Variants in ST6GALNAC3 observed in about 807,000 individuals in gnomAD.
The protein encoded by ST6GALNAC3 is alpha-N-acetylgalactosaminide alpha-2,6-sialyltransferase 3.
Under a neutral mutation model 32.7 loss-of-function variants are expected in ST6GALNAC3, and 25 were observed. The observed-to-expected ratio is 0.76, with a 90% CI of 0.56 to 1.07. The LOEUF (loss-of-function observed/expected upper bound fraction) is 1.07. ST6GALNAC3 is among the 50% of genes least tolerant of loss of function. The pLI is 0.00. For synonymous variants in ST6GALNAC3, 129 were observed against 133.1 expected (o/e 0.97, Z 0.21); for missense variants, 355 against 382.4 (o/e 0.93, Z 0.60).
intron 2 of ST6GALNAC3, among the ~76,000 whole-genome samples, chr1:76,341,606 T>TTTCTTTCC (rs1647980461): frequency 8.5e-5 from 3 of 35,292 alleles, no homozygotes; most frequent in Non-Finnish European, 1.7e-4. Context: ...CCAAACTGCT[T>TTTCTTTCC]TTCTTTCTTT....
chr1:76,496,657 C>G (rs908564925), intron 3 of ST6GALNAC3, among the ~76,000 whole-genome samples: 13 of 152,042 alleles, frequency 8.6e-5, no homozygotes, highest in African/African-American at 1.4e-4. Context: ...AGAGAGGACA[C>G]CCATCTCAAA....
intron 1 of ST6GALNAC3, among the ~76,000 whole-genome samples, chr1:76,135,775 G>C (rs1289661992): frequency 6.6e-6 from 1 of 151,962 alleles, no homozygotes; most frequent in African/African-American, 2.4e-5. Flanking sequence ...ACATCAGGTA[G>C]AAAGGTGATT....
intron 3 of ST6GALNAC3, among the ~76,000 whole-genome samples, chr1:76,614,234 T>A (rs1245470493): frequency 6.6e-6 from 1 of 152,202 alleles, no homozygotes; most frequent in African/African-American, 2.4e-5. Context: ...TAAATTGGGA[T>A]ACATTTTCCT....
intron 1 of ST6GALNAC3, among the ~76,000 whole-genome samples, chr1:76,144,318 C>T (rs561870778): frequency 4.6e-5 from 7 of 152,312 alleles, no homozygotes; most frequent in African/African-American, 1.4e-4. Context: ...TCAAATACCA[C>T]ATAAGCAAGA....
At chr1:76,452,096 A>C (rs2101558521) in intron 3 of ST6GALNAC3, among the ~76,000 whole-genome samples, 1 of 152,270 alleles carries the variant, frequency 6.6e-6, no homozygotes, top group African/African-American at 2.4e-5. Flanking sequence ...CCCCACTCAG[A>C]TCTCATCTTG....
intron 3 of ST6GALNAC3, among the ~76,000 whole-genome samples, chr1:76,542,338 G>A (rs1664040603): frequency 6.6e-6 from 1 of 152,134 alleles, no homozygotes; most frequent in Non-Finnish European, 1.5e-5. Context: ...TACAAACTGT[G>A]AGATGTCTTT....
At chr1:76,539,802 T>C (rs750427374) in intron 3 of ST6GALNAC3, among the ~76,000 whole-genome samples, 1 of 152,074 alleles carries the variant, frequency 6.6e-6, no homozygotes, top group Non-Finnish European at 1.5e-5. Flanking sequence ...AAAACCACAA[T>C]GAGATACCAT....
chr1:76,160,836 A>G (rs1651758808), intron 1 of ST6GALNAC3, among the ~76,000 whole-genome samples: 1 of 152,216 alleles, frequency 6.6e-6, no homozygotes, highest in Non-Finnish European at 1.5e-5. Flanking sequence ...CCACAACCAT[A>G]AATAGAGTAA....
rs1355374783 is a variant in ST6GALNAC3, at chr1:76,509,485, G to A, written c.623+97068G>A. On this transcript the variant is annotated intron_variant, in intron 3 of 4. Transcript: ENST00000328299. The surrounding 1 kb of genome is among the most constrained non-coding windows in gnomAD (Gnocchi z 5.5). ...TTGAAATGTAAGAGCAGTTCTTGAG[G>A]TATTGAATCTACATGAAAGGGATGG... Among the ~76,000 whole-genome samples, 2 of 152,276 alleles carry A rather than the reference G, an allele frequency of 1.3e-5. No individual in the cohort carries two copies. Among genetic ancestry groups the A allele is most frequent in the East Asian group, 3.9e-4 (2 of 5,190 alleles).
At chr1:76,201,314 G>C (rs1257513295) in intron 1 of ST6GALNAC3, among the ~76,000 whole-genome samples, 1 of 152,240 alleles carries the variant, frequency 6.6e-6, no homozygotes, top group Non-Finnish European at 1.5e-5. Flanking sequence ...AGGCAAGAGA[G>C]AGGGCATGTG....
intron 1 of ST6GALNAC3, among the ~76,000 whole-genome samples, chr1:76,249,064 T>C (rs1277302075): frequency 6.6e-6 from 1 of 152,210 alleles, no homozygotes; most frequent in Non-Finnish European, 1.5e-5. Context: ...TTAGGGTATA[T>C]AGTCATAAGT....
intron 3 of ST6GALNAC3, among the ~76,000 whole-genome samples, chr1:76,536,948 G>T (rs1663647832): frequency 6.6e-6 from 1 of 152,122 alleles, no homozygotes; most frequent in African/African-American, 2.4e-5. Context: ...AAATTAACAA[G>T]GATATTCAGG....
intron 1 of ST6GALNAC3, among the ~76,000 whole-genome samples, chr1:76,207,244 C>T (rs927785177): frequency 6.6e-6 from 1 of 152,212 alleles, no homozygotes; most frequent in Non-Finnish European, 1.5e-5. Flanking sequence ...GGGATTTGAG[C>T]TCTGGCAGTC....
At chr1:76,334,387 A>G (rs1425804199) in intron 2 of ST6GALNAC3, among the ~76,000 whole-genome samples, 1 of 152,154 alleles carries the variant, frequency 6.6e-6, no homozygotes, top group East Asian at 1.9e-4. Flanking sequence ...ACAGCATACA[A>G]TAATCCAATG....
rs189392300 is a variant in ST6GALNAC3 at position 76,581,513 on chromosome 1, A to G, written c.624-45939A>G. On this transcript the variant is annotated intron_variant, in intron 3 of 4. Transcript: ENST00000328299. ...AGCAATGGTAAACAGTTTCCTAAAC[A>G]CTCACTAAATTCATGCTTATCAAGT... Among the ~76,000 whole-genome samples, 402 of 152,242 alleles carry G rather than the reference A, an allele frequency of 2.6e-3. 2 individuals are homozygous for G. The highest frequency in any genetic ancestry group is 4.8e-3 in the Non-Finnish European group (329 of 67,984).
rs940240447 is a variant in ST6GALNAC3, at chr1:76,631,915, A to G, written c.*3109A>G. 2.6e-5 allele frequency: 4 copies of G among 152,070 alleles called. No individual in the cohort carries two copies. Among genetic ancestry groups the G allele is most frequent in the Non-Finnish European group, 5.9e-5 (4 of 67,986 alleles). 9.4% of individuals were successfully genotyped at this position (152,070 alleles called of 1,614,324 possible). On this transcript the variant is annotated 3_prime_UTR_variant, in exon 5 of 5. Transcript: ENST00000328299. The stretch of plus-strand genomic sequence containing the variant: ...TTTAACCAAGTGAGAAGTAGCAATG[A>G]TTTACATTGTTATGATGATAATGTG...
At chr1:76,556,399 G>A (rs1664927143) in intron 3 of ST6GALNAC3, among the ~76,000 whole-genome samples, 1 of 151,948 alleles carries the variant, frequency 6.6e-6, no homozygotes, top group South Asian at 2.1e-4. Flanking sequence ...ATACCTGCCT[G>A]TGAGTGGAAT....
intron 1 of ST6GALNAC3, among the ~76,000 whole-genome samples, chr1:76,264,820 A>C (rs1427988783): frequency 6.6e-6 from 1 of 152,054 alleles, no homozygotes; most frequent in Non-Finnish European, 1.5e-5. Context: ...CAGATGGAGA[A>C]GCCTTTTTTG....
At chr1:76,472,848 G>C (rs1659122416) in intron 3 of ST6GALNAC3, among the ~76,000 whole-genome samples, 1 of 152,066 alleles carries the variant, frequency 6.6e-6, no homozygotes, top group Non-Finnish European at 1.5e-5. Context: ...GTAGATACAG[G>C]CCAGGAATTA....
Sources: allele counts gnomAD v4.1 joint callset (sites outside exome capture counted in the v4.1 genomes callset), GRCh38; gene constraint gnomAD v4.1.1; non-coding constraint Gnocchi (gnomAD v3.1); transcripts MANE v1.5; gene names NCBI Gene and HGNC (gene_info 2026-07-23, HGNC 2026-07-21).